FANCA: variants seen among roughly 807,000 people sequenced by gnomAD.
The protein encoded by FANCA is Fanconi anemia group A protein.
A neutral mutation model predicts 194.3 loss-of-function variants in FANCA; 236 were observed. That is an observed-to-expected ratio of 1.21 (90% CI 1.09 to 1.35). FANCA has a LOEUF of 1.35. FANCA is among the 40% of genes most tolerant of loss of function. The pLI is 0.00. For missense variants in FANCA, 2,628 were observed against 1,813.9 expected, an observed-to-expected ratio of 1.45 and a Z score of -8.15; for synonymous variants, 1,014 against 715.8, an observed-to-expected ratio of 1.42 and a Z score of -6.65.
chr16:89,773,250 T>C (rs1402331373), intron 22 of FANCA, 21 bp downstream of exon 22: 7 of 1,526,124 alleles, frequency 4.6e-6, no homozygotes, highest in Non-Finnish European at 6.2e-6. Flanking sequence ...AGACACAGCA[T>C]GAGCTCCCAT....
At chr16:89,746,478 A>C in intron 35 of FANCA, 106 bp downstream of exon 35, 1 of 902,570 alleles carries the variant, frequency 1.1e-6, no homozygotes, top group East Asian at 2.5e-5. Context: ...ATTTTCCCTG[A>C]GATGGTAACA....
At chr16:89,769,736 G>A (rs1433046047) in intron 26 of FANCA, 101 bp downstream of exon 26, 2 of 1,344,864 alleles carry the variant, frequency 1.5e-6, no homozygotes, top group East Asian at 2.5e-5. Context: ...TTATCTTTGG[G>A]TGGTATGTCT....
In FANCA at chr16:89,737,748, G is replaced by C. The variant is rs976046168; in HGVS notation, c.*853C>G. ...GTGATGGTTTCACATTGTCATCGTCGTCCCCCCGGGAGGTTGGAGCATCAG... is the reference window on the plus strand; with the variant it reads ...GTGATGGTTTCACATTGTCATCGTCCTCCCCCCGGGAGGTTGGAGCATCAG... On this transcript the variant is annotated 3_prime_UTR_variant, in exon 43 of 43. Coordinates refer to ENST00000389301, the MANE Select transcript of FANCA (RefSeq NM_000135.4). 1.2e-6 allele frequency: 2 copies of C among 1,606,592 alleles called. No individual in the cohort carries two copies. Among genetic ancestry groups the C allele is most frequent in the Non-Finnish European group, 1.7e-6 (2 of 1,174,250 alleles).
rs56718348 is a variant in FANCA at position 89,790,599 on chromosome 16, C to A, written c.1359+804G>T. 9.8e-3 allele frequency among the ~76,000 whole-genome samples: 1,477 copies of A among 150,356 alleles called. 30 individuals carry two copies. Among genetic ancestry groups the A allele is most frequent in the African/African-American group, 0.035 (1,415 of 40,922 alleles). ...CAAAAATGAACTGGGTATGGTAGTG[C>A]ACACCTGTAATCCCAGCTACTCAGG... is the stretch of plus-strand genomic sequence containing the variant. On this transcript the variant is annotated intron_variant, in intron 14 of 42. Coordinates refer to ENST00000389301, the MANE Select transcript of FANCA (RefSeq NM_000135.4).
intron 1 of FANCA, 97 bp from the exon 2 acceptor site, chr16:89,816,083 C>A: frequency 3.4e-6 from 3 of 887,714 alleles, no homozygotes; most frequent in Non-Finnish European, 5.6e-6. Context: ...AACCCACCAG[C>A]GACACCCTCC....
At position 89,815,864 on chromosome 16, in the gene FANCA, A is replaced by T. The variant is rs2041094110; in HGVS notation, c.189+13T>A. ...CTAAATCTGCCCGCAGACGGACACC[A>T]GCTTCCTCTTACCTCAAGCAAAAGG... On this transcript the variant is annotated intron_variant, in intron 2 of 42. Transcript: ENST00000389301. 6.3e-7 allele frequency: 1 copy of T among 1,594,624 alleles called. No individual in the cohort carries two copies. The highest frequency in any genetic ancestry group is 2.2e-5 in the East Asian group (1 of 44,758).
chr16:89,759,307 G>A (rs1360653872), intron 29 of FANCA, among the ~76,000 whole-genome samples: 28 of 80,790 alleles, frequency 3.5e-4, no homozygotes, highest in African/African-American at 7.0e-4. Flanking sequence ...GCAACAGAGC[G>A]AGACTCCGTC....
At chr16:89,810,130 G>T (rs886260924) in intron 5 of FANCA, among the ~76,000 whole-genome samples, 1 of 151,948 alleles carries the variant, frequency 6.6e-6, no homozygotes, top group African/African-American at 2.4e-5. Flanking sequence ...AGACCATCCT[G>T]GCTAACACGG....
In FANCA at chr16:89,739,315, T is replaced by TG. The variant is rs530872988; in HGVS notation, c.4011-27dup. ...CTAGAGGTAAAGACATAGTGACAAA[T>TG]GGCTACAGACTGCTGGAAAGGTAGC... On this transcript the variant is annotated intron_variant, in intron 40 of 42. Transcript: ENST00000389301. 77 of 1,613,962 alleles carry TG rather than the reference T, an allele frequency of 4.8e-5. No individual in the cohort carries two copies. The East Asian group carries it at 1.7e-3, about 35-fold the overall frequency.
chr16:89,813,126 G>C (rs147761862), intron 3 of FANCA, among the ~76,000 whole-genome samples: 8 of 151,606 alleles, frequency 5.3e-5, no homozygotes, highest in African/African-American at 1.7e-4. Flanking sequence ...CGGTAGAAAA[G>C]TAGACAGATG....
Position 89,738,549 on chromosome 16 carries a change from T to G in FANCA, c.*52A>C. 6.2e-7 allele frequency: 1 copy of G among 1,611,498 alleles called. No individual in the cohort carries two copies. ...TGCAACAAGAGCTCCATGTTATGCT[T>G]GTAATAAATTATTTACACGGGAGCT... On this transcript the variant is annotated 3_prime_UTR_variant, in exon 43 of 43. Coordinates refer to ENST00000389301, the MANE Select transcript of FANCA (RefSeq NM_000135.4).
chr16:89,811,152 C>T, intron 3 of FANCA, 81 bp from the exon 4 acceptor site: 1 of 1,578,090 alleles, frequency 6.3e-7, no homozygotes, highest in Non-Finnish European at 8.7e-7. Flanking sequence ...TTTAAAATGC[C>T]TTATTTTAAG....
intron 9 of FANCA, 24 bp downstream of exon 9, chr16:89,799,581 T>A: frequency 6.2e-7 from 1 of 1,609,008 alleles, no homozygotes; most frequent in Non-Finnish European, 8.5e-7. Flanking sequence ...ATTTACAGTC[T>A]GGGCTGCAGT....
At chr16:89,750,681 G>T (rs2038556876) in intron 31 of FANCA, among the ~76,000 whole-genome samples, 1 of 151,998 alleles carries the variant, frequency 6.6e-6, no homozygotes, top group Admixed American at 6.6e-5. Flanking sequence ...GCAGAGGCAG[G>T]AGAATAGTTT....
Position 89,783,074 on chromosome 16 carries a change from G to A in FANCA, c.1499C>T (p.Pro500Leu), listed in dbSNP as rs867433570. 3.1e-6 allele frequency: 5 copies of A among 1,613,860 alleles called. No individual in the cohort carries two copies. Among genetic ancestry groups the A allele is most frequent in the South Asian group, 1.1e-5 (1 of 91,068 alleles). ...TGTGAGGAGGGAGCGGTACTTGCCG[G>A]GAACCAGGGGTGGGTGGAGAATGTG... ...QVHILHPPLV[P>L]GKYRSLLTDY... Residue 500 changes from proline (P) to leucine (L), a missense_variant, in exon 16 of 43, where the codon CCC (proline) becomes CTC (leucine). Physicochemically the swap from Pro to Leu is moderately conservative, Grantham distance 98. Transcript: ENST00000389301.
rs762736991 is a variant in FANCA at position 89,791,944 on chromosome 16, G to A, written c.1208C>T (p.Ala403Val). The A allele has an allele frequency of 6.2e-6, 10 of 1,613,942 alleles. No homozygotes were observed. The highest frequency in any genetic ancestry group is 3.3e-4 in the Middle Eastern group (2 of 6,082). ...AAGCTCACCTTCAAGCAGCTGCTGC[G>A]CTTCTGGAAAGCAGACAACCAGGGC... ...VSALVVCFPE[A>V]QQLLEDWVAR... Residue 403 changes from alanine to valine, a missense_variant, in exon 13 of 43, where the codon GCG (alanine) becomes GTG (valine). Physicochemically the swap from Ala to Val is moderately conservative, Grantham distance 64. Coordinates refer to ENST00000389301, the MANE Select transcript of FANCA (RefSeq NM_000135.4).
At chr16:89,816,404 C>G (rs1321498509) in intron 1 of FANCA, 133 bp downstream of exon 1, 2 of 760,000 alleles carry the variant, frequency 2.6e-6, no homozygotes, top group Non-Finnish European at 3.6e-6. Context: ...CGGGCGCCCA[C>G]CCCGCACAGC....
In FANCA at chr16:89,791,483, T is replaced by C. The variant is rs368103890; in HGVS notation, c.1279A>G (p.Met427Val). 2.6e-5 allele frequency: 42 copies of C among 1,614,038 alleles called. 1 individual carries two copies. The highest frequency in any genetic ancestry group is 3.6e-5 in the Non-Finnish European group (42 of 1,180,040). ...CGCACAACCAGGAACGCAGTGACCA[T>C]GCTGTCCAGCTGGCAGCTCTCGAAT... ...QAFESCQLDSMVTAFLVVRQA... is the reference protein window; with the variant it reads ...QAFESCQLDSVVTAFLVVRQA... Residue 427 changes from methionine (M) to valine (V), a missense_variant, in exon 14 of 43, where the codon ATG (methionine) becomes GTG (valine). Coordinates refer to ENST00000389301, the MANE Select transcript of FANCA (RefSeq NM_000135.4).
intron 38 of FANCA, 125 bp from the exon 39 acceptor site, chr16:89,740,224 A>AC: frequency 3.5e-6 from 3 of 852,416 alleles, no homozygotes; most frequent in Non-Finnish European, 6.1e-6. Context: ...AAAACTGGTG[A>AC]CAGTTTTACC....
Sources: allele counts gnomAD v4.1 joint callset (sites outside exome capture counted in the v4.1 genomes callset), GRCh38; gene constraint gnomAD v4.1.1; transcripts MANE v1.5; gene names NCBI Gene and HGNC (gene_info 2026-07-23, HGNC 2026-07-21).